The following TRIM39 variants were observed in gnomAD, a reference collection of about 807,000 sequenced individuals.
TRIM39 encodes the protein tripartite motif containing 39.
Under a neutral mutation model 53.6 loss-of-function variants are expected in TRIM39, and 5 were observed. The ratio of observed to expected loss-of-function variants is 0.09; its 90% CI spans 0.05 to 0.20. The LOEUF (loss-of-function observed/expected upper bound fraction) is 0.20. Among genes scored for constraint, TRIM39 ranks in the 10% least tolerant of loss-of-function variants. TRIM39 has a pLI of 1.00. For synonymous variants in TRIM39, 196 were observed against 237.6 expected (o/e 0.82, Z 1.61); for missense variants, 310 against 621.0 (o/e 0.50, Z 5.32).
rs1180316871 is a variant in TRIM39 at position 30,340,044 on chromosome 6, CA to C, written c.803+115del. On this transcript the variant is annotated intron_variant, in intron 6 of 7. Transcript: ENST00000396551. ...GGGAAAGTCATGTAGTGTGTCTGGG[CA>C]GGGTATGGGAGAATGTTCATTGTGC... The C allele has an allele frequency of 7.3e-6, 11 of 1,507,978 alleles. No individual in the cohort carries two copies. In the African/African-American group the frequency reaches 1.5e-4, roughly 21 times the overall value. The allele number at this position is 1,507,978 out of a possible 1,614,324, so 93.4% of individuals were successfully genotyped here.
intron 3 of TRIM39, 59 bp downstream of exon 3, chr6:30,329,829 A>G: frequency 6.4e-7 from 1 of 1,570,014 alleles, no homozygotes; most frequent in Non-Finnish European, 8.6e-7. Flanking sequence ...GCAGAGGATG[A>G]GATACTCCCT....
chr6:30,342,434 A>G lies in TRIM39; in HGVS notation c.*175A>G. 1.5e-6 allele frequency: 1 copy of G among 660,494 alleles called. No homozygotes were observed. The highest frequency in any genetic ancestry group is 2.6e-6 in the Non-Finnish European group (1 of 388,506). The allele number at this position is 660,494 out of a possible 1,614,324, so 40.9% of individuals were successfully genotyped here. On this transcript the variant is annotated 3_prime_UTR_variant, in exon 8 of 8. Coordinates refer to ENST00000396551, the Ensembl canonical transcript of TRIM39. This position sits in a 1 kb window ranked among gnomAD's most constrained non-coding sequence, Gnocchi z 4.7. ...GGAGGGGGAGGTAGGACTGGGCTGG[A>G]TGAGAGAGCACAGCTGTGACTTCCT... is the stretch of plus-strand genomic sequence containing the variant.
At position 30,339,289 on chromosome 6, in the gene TRIM39, C is replaced by T. The variant is rs1302387527; in HGVS notation, c.781-619C>T. On this transcript the variant is annotated intron_variant, in intron 5 of 7. Transcript: ENST00000396551. This position sits in a 1 kb window ranked among gnomAD's most constrained non-coding sequence, Gnocchi z 4.2. The stretch of plus-strand genomic sequence containing the variant: ...TCAGCCTCCTGAGTAGCTGGGGTTA[C>T]AGGCGCACACCACCACACCTGGCTA... Among the ~76,000 whole-genome samples the T allele has an allele frequency of 6.6e-6, 1 of 152,024 alleles. No individual in the cohort carries two copies. Among genetic ancestry groups the T allele is most frequent in the East Asian group, 1.9e-4 (1 of 5,194 alleles).
intron 7 of TRIM39, 89 bp from the exon 8 acceptor site, chr6:30,341,623 G>C: frequency 6.7e-7 from 1 of 1,496,550 alleles, no homozygotes. Flanking sequence ...AAGGGACCAG[G>C]CTCTGTAAAG....
chr6:30,335,821 A>G lies in TRIM39; in HGVS notation c.626A>G (p.Gln209Arg), dbSNP rs1224127589. The change falls in exon 5 of 8, where the codon CAG becomes CGG. Residue 209 changes from glutamine to arginine, a missense_variant. Gln to Arg is a conservative substitution (Grantham distance 43). This residue lies in a region of TRIM39 where 161 missense variants were observed against 210.0 expected (regional missense o/e 0.77). Transcript: ENST00000396551. This position sits in a 1 kb window ranked among gnomAD's most constrained non-coding sequence, Gnocchi z 4.7. ...CATAGGCGGCTGGATGAAGAGCAGC[A>G]GGTGTTGCTTTCACGACTGGAAGAA... The G allele has an allele frequency of 6.2e-7, 1 of 1,612,848 alleles. No individual in the cohort carries two copies. The highest frequency in any genetic ancestry group is 8.5e-7 in the Non-Finnish European group (1 of 1,180,016).
At chr6:30,331,270 A>G (rs1188878688) in intron 4 of TRIM39, among the ~76,000 whole-genome samples, 1 of 55,624 alleles carries the variant, frequency 1.8e-5, no homozygotes, top group Non-Finnish European at 3.4e-5. Flanking sequence ...CTCTGTCTCA[A>G]ACAAACAAAA....
chr6:30,327,323 T>A (rs1785478903), intron 1 of TRIM39: 1 of 153,042 alleles, frequency 6.5e-6, no homozygotes, highest in African/African-American at 2.4e-5. Flanking sequence ...TGGACACGCA[T>A]CCCTTCCTAC....
intron 1 of TRIM39, among the ~76,000 whole-genome samples, chr6:30,327,919 A>G (rs538330324): frequency 2.8e-4 from 42 of 152,216 alleles, no homozygotes; most frequent in Non-Finnish European, 4.7e-4. Flanking sequence ...ACCTCATTAC[A>G]TGGCCACTTA....
chr6:30,339,862 A>C lies in TRIM39; in HGVS notation c.781-46A>C, dbSNP rs1233044941. ...GGGGGAACCTTTTGCCTTCAGGACC[A>C]CTGAATACCAGGACCAATATTGCTT... On this transcript the variant is annotated intron_variant, in intron 5 of 7. Coordinates refer to ENST00000396551, the Ensembl canonical transcript of TRIM39. This position sits in a 1 kb window ranked among gnomAD's most constrained non-coding sequence, Gnocchi z 4.2. 6.2e-7 allele frequency: 1 copy of C among 1,613,670 alleles called. No homozygotes were observed. Among genetic ancestry groups the C allele is most frequent in the South Asian group, 1.1e-5 (1 of 90,948 alleles).
rs1787185977 is a variant in TRIM39, at chr6:30,339,065, T to A, written c.781-843T>A. Among the ~76,000 whole-genome samples the A allele has an allele frequency of 6.6e-6, 1 of 152,196 alleles. No individual in the cohort carries two copies. The highest frequency in any genetic ancestry group is 6.5e-5 in the Admixed American group (1 of 15,282). On this transcript the variant is annotated intron_variant, in intron 5 of 7. Coordinates refer to ENST00000396551, the Ensembl canonical transcript of TRIM39. The surrounding 1 kb of genome is among the most constrained non-coding windows in gnomAD (Gnocchi z 4.2). ...CTTCCATATTAAACTGGGAAATCCT[T>A]GTGGGACAGAGATTTGTCTTCTTTG...
chr6:30,331,587 G>A (rs900879144), intron 4 of TRIM39, among the ~76,000 whole-genome samples: 6 of 152,166 alleles, frequency 3.9e-5, no homozygotes, highest in African/African-American at 1.4e-4. Context: ...AAGGGAAAAG[G>A]AGCTGACCAA....
At position 30,335,537 on chromosome 6, in the gene TRIM39, G is replaced by A. The variant is rs1364527548; in HGVS notation, c.550-208G>A. On this transcript the variant is annotated intron_variant, in intron 4 of 7. Coordinates refer to ENST00000396551, the Ensembl canonical transcript of TRIM39. This position sits in a 1 kb window ranked among gnomAD's most constrained non-coding sequence, Gnocchi z 4.7. Reference sequence around the variant, plus strand: ...GGGGTTTCACCATGTTACCTAGGCTGGTCTCAAACTTCTCATCCCAAGCAA... The same window carrying A: ...GGGGTTTCACCATGTTACCTAGGCTAGTCTCAAACTTCTCATCCCAAGCAA... 6.6e-6 allele frequency among the ~76,000 whole-genome samples: 1 copy of A among 152,066 alleles called. No individual in the cohort carries two copies. The highest frequency in any genetic ancestry group is 1.5e-5 in the Non-Finnish European group (1 of 68,010).
At chr6:30,329,341 G>A (rs1443314769) in exon 3 of TRIM39, 3 of 1,612,880 alleles carry the variant, frequency 1.9e-6, no homozygotes, top group South Asian at 1.1e-5. Flanking sequence ...GTCTGTTAGA[G>A]GCTGGGGCCT....
Position 30,335,864 on chromosome 6 carries a change from G to T in TRIM39, c.669G>T (p.Leu223=). Residue 223 remains leucine (L), a synonymous_variant, in exon 5 of 8, where the codon CTG becomes CTT. Coordinates refer to ENST00000396551, the Ensembl canonical transcript of TRIM39. This position sits in a 1 kb window ranked among gnomAD's most constrained non-coding sequence, Gnocchi z 4.7. ...TGGAAGAAGAGGAACAGGACATTCT[G>T]CAGCGACTCCGAGAAAATGCTGCTC... 6.2e-7 allele frequency: 1 copy of T among 1,612,992 alleles called. No homozygotes were observed. The highest frequency in any genetic ancestry group is 8.5e-7 in the Non-Finnish European group (1 of 1,180,024).
rs757476654 is a variant in TRIM39 at position 30,340,515 on chromosome 6, G to A, written c.814G>A (p.Val272Met). The A allele has an allele frequency of 1.9e-6, 3 of 1,612,986 alleles. No homozygotes were observed. The South Asian group carries it at 3.3e-5, about 18-fold the overall frequency. ...CCCTATCCCTCCTAGATGTGAAAAG[G>A]TGAAGACCATGGAGGTGACTTCAGT... The change falls in exon 7 of 8, where the codon GTG (valine) becomes ATG (methionine). Residue 272 changes from valine to methionine, a missense_variant. Coordinates refer to ENST00000396551, the Ensembl canonical transcript of TRIM39.
At chr6:30,337,554 A>T (rs1317076623) in intron 5 of TRIM39, among the ~76,000 whole-genome samples, 2 of 152,076 alleles carry the variant, frequency 1.3e-5, no homozygotes, top group African/African-American at 4.8e-5. Context: ...ACAAAAGGTA[A>T]TTTTTTTTAA....
At chr6:30,340,077 A>G in intron 6 of TRIM39, 147 bp downstream of exon 6, 1 of 1,309,074 alleles carries the variant, frequency 7.6e-7, no homozygotes, top group Non-Finnish European at 1.1e-6. Context: ...GTGCCCATGA[A>G]GCCAGTTAGA....
chr6:30,340,290 C>A (rs773974391), intron 6 of TRIM39: 1 of 1,612,926 alleles, frequency 6.2e-7, no homozygotes, highest in Admixed American at 1.7e-5. Context: ...CTAGAAAGTT[C>A]GGAGGCTCAC....
chr6:30,329,113 G>C lies in TRIM39; in HGVS notation c.-8+72G>C, dbSNP rs1432041569. ...ACAAGAAAAAAAAGGTTGATGGCTG[G>C]GAGTCACAAGTTTTGAAAATGGAGA... On this transcript the variant is annotated intron_variant, in intron 2 of 7. Transcript: ENST00000396551. 4 of 622,066 alleles carry C rather than the reference G, an allele frequency of 6.4e-6. No individual in the cohort carries two copies. In the African/African-American group the frequency reaches 7.5e-5, roughly 12 times the overall value. The allele number at this position is 622,066 out of a possible 1,614,324, so 38.5% of individuals were successfully genotyped here.
Sources: allele counts gnomAD v4.1 joint callset (sites outside exome capture counted in the v4.1 genomes callset), GRCh38; gene constraint gnomAD v4.1.1; regional missense constraint gnomAD v4.1.1; non-coding constraint Gnocchi (gnomAD v3.1); transcripts MANE v1.5; gene names NCBI Gene and HGNC (gene_info 2026-07-23, HGNC 2026-07-21).